The following PRRG2 variants were observed in gnomAD, a reference collection of about 807,000 sequenced individuals.
The protein encoded by PRRG2 is proline rich and Gla domain 2.
Under a neutral mutation model 27.1 loss-of-function variants are expected in PRRG2, and 23 were observed. The observed-to-expected ratio is 0.85, with a 90% CI of 0.61 to 1.20. The LOEUF is 1.20. PRRG2 is among the 50% of genes most tolerant of loss of function. PRRG2 has a pLI of 0.00. For missense variants in PRRG2, 276 were observed against 254.8 expected (o/e 1.08, Z -0.57); for synonymous variants, 104 against 103.4 (o/e 1.01, Z -0.03).
At chr19:49,587,820 C>A (rs181583631) in intron 4 of PRRG2, among the ~76,000 whole-genome samples, 5 of 151,666 alleles carry the variant, frequency 3.3e-5, no homozygotes, top group Non-Finnish European at 7.4e-5. Context: ...GGTTTCACCA[C>A]ATTGGCCGGG....
chr19:49,586,083 A>C (rs1322303091), intron 4 of PRRG2, among the ~76,000 whole-genome samples: 1 of 151,026 alleles, frequency 6.6e-6, no homozygotes. Context: ...AAAAAAAAAA[A>C]AAAAAAAAAA....
In PRRG2 at chr19:49,583,576, C is replaced by T. The variant is rs1422974638; in HGVS notation, c.120C>T (p.Phe40=). The change falls in exon 3 of 7, where the codon TTC becomes TTT. Residue 40 remains phenylalanine (F), a synonymous_variant. Transcript: ENST00000246794. ...TGGGTCCCCCAGAGGCCCAGAGCTTCCTGAGTAGCCATACCCGGATTCCAA... is the reference window on the plus strand; with the variant it reads ...TGGGTCCCCCAGAGGCCCAGAGCTTTCTGAGTAGCCATACCCGGATTCCAA... The part of the protein sequence containing the change: ...VFLGPPEAQS[F]LSSHTRIPRA... 6.2e-7 allele frequency: 1 copy of T among 1,614,204 alleles called. No homozygotes were observed. Among genetic ancestry groups the T allele is most frequent in the South Asian group, 1.1e-5 (1 of 91,084 alleles).
intron 6 of PRRG2, 22 bp downstream of exon 6, chr19:49,590,074 C>CG: frequency 6.8e-7 from 1 of 1,466,772 alleles, no homozygotes; most frequent in African/African-American, 1.4e-5. Context: ...GGCTTCTGCC[C>CG]GGGGGCGGGG....
chr19:49,585,846 G>A (rs190652184), intron 4 of PRRG2, among the ~76,000 whole-genome samples: 31 of 151,500 alleles, frequency 2.0e-4, no homozygotes, highest in South Asian at 6.3e-4. Context: ...TTGGGAGGCC[G>A]AGGCAAGCAG....
intron 4 of PRRG2, among the ~76,000 whole-genome samples, chr19:49,584,303 T>C (rs979992086): frequency 2.0e-5 from 3 of 151,814 alleles, no homozygotes; most frequent in Non-Finnish European, 4.4e-5. Context: ...CCCGAGTAGC[T>C]GGGACTACAG....
In PRRG2 at chr19:49,590,426, C is replaced by T; in HGVS notation, c.*37C>T. The T allele has an allele frequency of 6.2e-7, 1 of 1,613,568 alleles. No homozygotes were observed. Among genetic ancestry groups the T allele is most frequent in the East Asian group, 2.2e-5 (1 of 44,892 alleles). Reference sequence around the variant, plus strand: ...CGAGACCCGGCTCTCCGAACCGTGCCCCTGATTCATACCGGATTCCGGAAG... The same window carrying T: ...CGAGACCCGGCTCTCCGAACCGTGCTCCTGATTCATACCGGATTCCGGAAG... On this transcript the variant is annotated 3_prime_UTR_variant, in exon 7 of 7. Coordinates refer to ENST00000246794, the MANE Select transcript of PRRG2 (RefSeq NM_000951.3).
upstream of PRRG2, chr19:49,580,763 T>G (rs556776512): frequency 2.6e-5 from 4 of 152,292 alleles, no homozygotes; most frequent in East Asian, 7.7e-4. Flanking sequence ...GGGGAACGCT[T>G]ACTATGTACG....
At chr19:49,588,812 C>A (rs1485227876) in intron 5 of PRRG2, among the ~76,000 whole-genome samples, 180 bp downstream of exon 5, 1 of 152,166 alleles carries the variant, frequency 6.6e-6, no homozygotes, top group African/African-American at 2.4e-5. Flanking sequence ...GACTGTCGCT[C>A]TGTCTGGATC....
At chr19:49,589,833 C>A in intron 5 of PRRG2, 67 bp from the exon 6 acceptor site, 1 of 1,554,784 alleles carries the variant, frequency 6.4e-7, no homozygotes. Flanking sequence ...CCTAGATCCC[C>A]TCTCTTCCTC....
At chr19:49,583,094 G>A in intron 1 of PRRG2, 113 bp from the exon 2 acceptor site, 2 of 767,030 alleles carry the variant, frequency 2.6e-6, no homozygotes, top group South Asian at 3.4e-5. Flanking sequence ...AATACAGGCT[G>A]TGTAAGTGGC....
intron 4 of PRRG2, among the ~76,000 whole-genome samples, chr19:49,585,505 G>C (rs1208599304): frequency 1.3e-5 from 2 of 152,150 alleles, no homozygotes; most frequent in African/African-American, 4.8e-5. Context: ...AAAAGTCTGG[G>C]GGTTTACTGT....
chr19:49,583,486 A>G (rs764551086), intron 2 of PRRG2, 56 bp from the exon 3 acceptor site: 1 of 1,589,076 alleles, frequency 6.3e-7, no homozygotes, highest in Non-Finnish European at 8.6e-7. Flanking sequence ...CCATCCCCCT[A>G]TGACTCCAGC....
At position 49,588,626 on chromosome 19, in the gene PRRG2, C is replaced by A. The variant is rs1356487310; in HGVS notation, c.431C>A (p.Pro144His). The change falls in exon 5 of 7, where the codon CCC (proline) becomes CAC (histidine). Residue 144 changes from proline to histidine, a missense_variant. Transcript: ENST00000246794. Reference protein sequence around the residue: ...WRQHRGQQPCPQEAGLISPLS... With the variant: ...WRQHRGQQPCHQEAGLISPLS... ...CAGCACCGAGGCCAGCAGCCCTGTCCCCAAGAGTAAGGGGGCTTCAGCGAG... is the reference window on the plus strand; with the variant it reads ...CAGCACCGAGGCCAGCAGCCCTGTCACCAAGAGTAAGGGGGCTTCAGCGAG... 1.3e-6 allele frequency: 2 copies of A among 1,535,766 alleles called. No homozygotes were observed. Among genetic ancestry groups the A allele is most frequent in the Admixed American group, 2.1e-5 (1 of 47,436 alleles).
chr19:49,589,834 T>A, intron 5 of PRRG2, 66 bp from the exon 6 acceptor site: 4 of 1,557,766 alleles, frequency 2.6e-6, no homozygotes, highest in Non-Finnish European at 3.5e-6. Flanking sequence ...CTAGATCCCC[T>A]CTCTTCCTCC....
At chr19:49,589,447 A>T (rs147061996) in intron 5 of PRRG2, among the ~76,000 whole-genome samples, 3,951 of 134,538 alleles carry the variant, frequency 0.029, 59 homozygotes, top group Non-Finnish European at 0.045. Flanking sequence ...TTTTTTTTTT[A>T]AAAAAAGACA....
Position 49,590,577 on chromosome 19 carries a change from G to C in PRRG2, c.*188G>C, listed in dbSNP as rs909142094. Reference sequence around the variant, plus strand: ...GCGTATGGATATACACATGTTTTCGGCAACGTGTTCCCGTGTCCTGGCCCC... The same window carrying C: ...GCGTATGGATATACACATGTTTTCGCCAACGTGTTCCCGTGTCCTGGCCCC... On this transcript the variant is annotated 3_prime_UTR_variant, in exon 7 of 7. Coordinates refer to ENST00000246794, the MANE Select transcript of PRRG2 (RefSeq NM_000951.3). 1.3e-6 allele frequency: 1 copy of C among 768,102 alleles called. No homozygotes were observed. The allele number at this position is 768,102 out of a possible 1,614,324, so 47.6% of individuals were successfully genotyped here.
At chr19:49,585,974 G>A (rs779153965) in intron 4 of PRRG2, among the ~76,000 whole-genome samples, 1 of 151,346 alleles carries the variant, frequency 6.6e-6, no homozygotes, top group Admixed American at 6.6e-5. Context: ...CAGCTATTGG[G>A]GAGGCTGAGG....
At chr19:49,581,961 C>T (rs1279044345) in intron 1 of PRRG2, among the ~76,000 whole-genome samples, 1 of 151,930 alleles carries the variant, frequency 6.6e-6, no homozygotes, top group Admixed American at 6.6e-5. Context: ...GACTCCTGGT[C>T]GGGCGCAGTG....
intron 4 of PRRG2, among the ~76,000 whole-genome samples, chr19:49,585,542 A>C (rs2080663027): frequency 6.6e-6 from 1 of 152,224 alleles, no homozygotes; most frequent in Non-Finnish European, 1.5e-5. Flanking sequence ...TCATGCCTGT[A>C]ATCTCAGCAC....
Sources: allele counts gnomAD v4.1 joint callset (sites outside exome capture counted in the v4.1 genomes callset), GRCh38; gene constraint gnomAD v4.1.1; transcripts MANE v1.5; gene names NCBI Gene and HGNC (gene_info 2026-07-23, HGNC 2026-07-21).